The following DENND1B variants were observed in gnomAD, a reference collection of about 807,000 sequenced individuals.
DENND1B encodes the protein DENN domain-containing protein 1B.
A neutral mutation model predicts 90.1 loss-of-function variants in DENND1B; 59 were observed. The observed-to-expected ratio is 0.65, with a 90% CI of 0.53 to 0.81. DENND1B has a LOEUF of 0.81. Among genes scored for constraint, DENND1B ranks in the 40% least tolerant of loss-of-function variants. The probability of loss-of-function intolerance (pLI) is 0.00; values close to 1 mark genes in which losing one functional copy is unlikely to be tolerated. For missense variants in DENND1B, 862 were observed against 912.6 expected (o/e 0.94, Z 0.71); for synonymous variants, 337 against 324.6 (o/e 1.04, Z -0.41).
In DENND1B at chr1:197,775,166, C is replaced by G; in HGVS notation, c.-11G>C. 10 of 1,290,406 alleles carry G rather than the reference C, an allele frequency of 7.7e-6. No homozygotes were observed. The highest frequency in any genetic ancestry group is 8.9e-6 in the Non-Finnish European group (9 of 1,012,358). The allele number at this position is 1,290,406 out of a possible 1,614,324, so 79.9% of individuals were successfully genotyped here. On this transcript the variant is annotated 5_prime_UTR_variant, in exon 1 of 23. Transcript: ENST00000620048. ...GGTCCTGCAGTCCATGGTTACATGT[C>G]GGTGTGGGGCTGTCCGTCCGGCCCC...
upstream of DENND1B, among the ~76,000 whole-genome samples, chr1:197,779,031 C>G (rs1489051651): frequency 6.6e-6 from 1 of 152,146 alleles, no homozygotes; most frequent in African/African-American, 2.4e-5. Context: ...TTGTTTTATA[C>G]AGTCCATGTT....
intron 10 of DENND1B, among the ~76,000 whole-genome samples, chr1:197,624,728 G>T (rs1288761526): frequency 1.3e-5 from 2 of 151,834 alleles, no homozygotes; most frequent in East Asian, 1.9e-4. Flanking sequence ...TGAGCTACAG[G>T]AGGAAATTTA....
chr1:197,513,724 A>G (rs1334856905), intron 20 of DENND1B, among the ~76,000 whole-genome samples: 1 of 151,534 alleles, frequency 6.6e-6, no homozygotes, highest in Admixed American at 6.6e-5. Flanking sequence ...ATTTCTCCCC[A>G]TATTTTTTAG....
At chr1:197,745,427 G>C (rs1157292500) in intron 2 of DENND1B, among the ~76,000 whole-genome samples, 4 of 152,014 alleles carry the variant, frequency 2.6e-5, no homozygotes, top group African/African-American at 9.7e-5. Flanking sequence ...TTGTGTCTCA[G>C]GGAATAGTGA....
At chr1:197,715,846 T>C (rs1660594888) in intron 2 of DENND1B, among the ~76,000 whole-genome samples, 1 of 151,872 alleles carries the variant, frequency 6.6e-6, no homozygotes, top group African/African-American at 2.4e-5. Context: ...ATTTTAGCCA[T>C]ATACTTATTG....
At chr1:197,669,050 CA>C (rs1212406528) in intron 5 of DENND1B, among the ~76,000 whole-genome samples, 5 of 152,004 alleles carry the variant, frequency 3.3e-5, no homozygotes, top group Non-Finnish European at 7.4e-5. Flanking sequence ...ATTTTTCTAT[CA>C]GATTATTTTT....
chr1:197,735,622 G>T (rs746867960), intron 2 of DENND1B: 5 of 1,614,160 alleles, frequency 3.1e-6, no homozygotes, highest in Admixed American at 3.3e-5. Flanking sequence ...TTCTCCTCCC[G>T]TGGAGCTGCC....
intron 2 of DENND1B, among the ~76,000 whole-genome samples, chr1:197,769,096 T>C (rs1303711105): frequency 5.3e-5 from 8 of 152,216 alleles, no homozygotes; most frequent in Non-Finnish European, 1.2e-4. Context: ...AAGAGAAGCA[T>C]GCCAAATACC....
At chr1:197,687,273 A>T (rs148788901) in intron 3 of DENND1B, among the ~76,000 whole-genome samples, 1 of 152,302 alleles carries the variant, frequency 6.6e-6, no homozygotes, top group Non-Finnish European at 1.5e-5. Flanking sequence ...TTGTGGTGTT[A>T]CAGTGATAAT....
At chr1:197,636,023 C>T (rs532212231) in intron 10 of DENND1B, among the ~76,000 whole-genome samples, 21 of 150,374 alleles carry the variant, frequency 1.4e-4, no homozygotes, top group South Asian at 8.4e-4. Flanking sequence ...ACTTTATTGT[C>T]TAAAGATCTG....
intron 2 of DENND1B, among the ~76,000 whole-genome samples, chr1:197,762,386 C>T (rs1655186121): frequency 1.3e-5 from 2 of 152,124 alleles, no homozygotes; most frequent in Admixed American, 6.5e-5. Context: ...CCTGCCTCAG[C>T]CTCCTGAGTA....
At chr1:197,583,415 A>C (rs1426912346) in intron 14 of DENND1B, among the ~76,000 whole-genome samples, 162 bp from the exon 15 acceptor site, 1 of 152,200 alleles carries the variant, frequency 6.6e-6, no homozygotes, top group Non-Finnish European at 1.5e-5. Context: ...ATATTCCTCT[A>C]CTAATAAGCC....
upstream of DENND1B, among the ~76,000 whole-genome samples, chr1:197,780,518 G>T (rs1400408955): frequency 1.3e-5 from 2 of 151,770 alleles, no homozygotes; most frequent in Non-Finnish European, 2.9e-5. Context: ...TAGAGGCAGG[G>T]TTTCACCATG....
intron 2 of DENND1B, among the ~76,000 whole-genome samples, chr1:197,736,551 T>C (rs1662708964): frequency 6.6e-6 from 1 of 152,208 alleles, no homozygotes; most frequent in African/African-American, 2.4e-5. Flanking sequence ...TTGTCCAAAC[T>C]GGTCTTGAAT....
At chr1:197,651,916 A>G (rs1653250481) in intron 7 of DENND1B, among the ~76,000 whole-genome samples, 1 of 151,990 alleles carries the variant, frequency 6.6e-6, no homozygotes, top group Non-Finnish European at 1.5e-5. Context: ...CAGCCTCCCA[A>G]AGTGCTGGGA....
chr1:197,627,261 T>C (rs1016101302), intron 10 of DENND1B, among the ~76,000 whole-genome samples: 37 of 152,188 alleles, frequency 2.4e-4, no homozygotes, highest in African/African-American at 8.2e-4. Context: ...TTGATGAACA[T>C]TGATGCAAAA....
chr1:197,775,084 G>A, intron 1 of DENND1B, 55 bp downstream of exon 1: 1 of 1,186,026 alleles, frequency 8.4e-7, no homozygotes, highest in Non-Finnish European at 1.1e-6. Context: ...GAGCTGGCCT[G>A]GGAGGGGCCG....
chr1:197,778,149 T>C (rs948984229), upstream of DENND1B, among the ~76,000 whole-genome samples: 4 of 152,240 alleles, frequency 2.6e-5, no homozygotes, highest in Non-Finnish European at 5.9e-5. Context: ...TTCATCATTA[T>C]GTTGTTACTT....
intron 2 of DENND1B, among the ~76,000 whole-genome samples, chr1:197,748,186 G>A (rs143220976): frequency 7.8e-5 from 11 of 140,866 alleles, no homozygotes; most frequent in South Asian, 2.3e-4. Context: ...AATTTCAAAC[G>A]GTCAATAATA....
Sources: allele counts gnomAD v4.1 joint callset (sites outside exome capture counted in the v4.1 genomes callset), GRCh38; gene constraint gnomAD v4.1.1; transcripts MANE v1.5; gene names NCBI Gene and HGNC (gene_info 2026-07-23, HGNC 2026-07-21).